The following NIPA2 variants were observed in gnomAD, a reference collection of about 807,000 sequenced individuals.
NIPA2 encodes NIPA magnesium transporter 2, also known as magnesium transporter NIPA2.
A neutral mutation model predicts 29.7 loss-of-function variants in NIPA2; 11 were observed. The observed-to-expected ratio is 0.37, with a 90% CI of 0.23 to 0.61. NIPA2 has a LOEUF of 0.61. Among genes scored for constraint, NIPA2 ranks in the 20% least tolerant of loss-of-function variants. The pLI is 0.66. For synonymous variants in NIPA2, 183 were observed against 161.9 expected, an observed-to-expected ratio of 1.13 and a Z score of -0.99; for missense variants, 426 against 437.9, an observed-to-expected ratio of 0.97 and a Z score of 0.24.
Position 22,866,303 on chromosome 15 carries a change from T to C in NIPA2, c.539T>C (p.Val180Ala), listed in dbSNP as rs1199894188. ...CGCCATGGACAGACAAACATTCTTG[T>C]GTACATAACAATCTGCTCTGTAATC... ...GPRHGQTNIL[V>A]YITICSVIGA... The change falls in exon 8 of 8, where the codon GTG becomes GCG. Residue 180 changes from valine (V) to alanine (A), a missense_variant. Physicochemically the swap from Val to Ala is moderately conservative, Grantham distance 64 (BLOSUM62 0). Around this residue, in one of 3 missense-constraint regions of NIPA2, gnomAD observed 357 missense variants for 339.8 expected, o/e 1.05. Coordinates refer to ENST00000337451, the MANE Select transcript of NIPA2 (RefSeq NM_030922.7). 3.1e-6 allele frequency: 5 copies of C among 1,613,840 alleles called. No homozygotes were observed. Among genetic ancestry groups the C allele is most frequent in the Non-Finnish European group, 3.4e-6 (4 of 1,179,844 alleles).
At chr15:22,851,023 G>A (rs969170610) in intron 3 of NIPA2, among the ~76,000 whole-genome samples, 6 of 152,078 alleles carry the variant, frequency 3.9e-5, no homozygotes, top group African/African-American at 1.4e-4. Flanking sequence ...GTCTGGCCTC[G>A]AGGATTGAGC....
chr15:22,844,544 A>T (rs530346993), intron 2 of NIPA2, among the ~76,000 whole-genome samples: 1 of 137,178 alleles, frequency 7.3e-6, no homozygotes, highest in East Asian at 2.3e-4. Context: ...ACAGTGCAAG[A>T]CTGTGACTCA....
intron 3 of NIPA2, among the ~76,000 whole-genome samples, chr15:22,848,186 G>A (rs184852343): frequency 6.6e-6 from 1 of 152,232 alleles, no homozygotes; most frequent in African/African-American, 2.4e-5. Context: ...TGCCAGGAGG[G>A]CTGAAGCGTT....
At chr15:22,842,278 G>A (rs897404757) in intron 2 of NIPA2, among the ~76,000 whole-genome samples, 1 of 152,154 alleles carries the variant, frequency 6.6e-6, no homozygotes, top group African/African-American at 2.4e-5. Context: ...CAAAGTAACC[G>A]TAACAGAGGG....
At chr15:22,841,318 G>C (rs1897025685) in intron 2 of NIPA2, among the ~76,000 whole-genome samples, 1 of 152,102 alleles carries the variant, frequency 6.6e-6, no homozygotes, top group Non-Finnish European at 1.5e-5. Context: ...GACTAGATTA[G>C]AGCATCCTTA....
At chr15:22,862,461 A>G (rs542953123) in intron 7 of NIPA2, among the ~76,000 whole-genome samples, 3 of 152,040 alleles carry the variant, frequency 2.0e-5, no homozygotes, top group East Asian at 3.9e-4. Flanking sequence ...CCTGACCTAG[A>G]TCATTAATTT....
chr15:22,863,767 C>T (rs1362598730), intron 7 of NIPA2, among the ~76,000 whole-genome samples: 1 of 152,208 alleles, frequency 6.6e-6, no homozygotes, highest in Non-Finnish European at 1.5e-5. Flanking sequence ...TGCCATCTCA[C>T]CCCTTGCATT....
At chr15:22,860,548 T>G in intron 6 of NIPA2, 81 bp from the exon 7 acceptor site, 2 of 962,630 alleles carry the variant, frequency 2.1e-6, no homozygotes, top group Non-Finnish European at 3.1e-6. Context: ...ATTTCAGTGA[T>G]TTAAATTACG....
In NIPA2 at chr15:22,867,564, C is replaced by T. The variant is rs2059193917; in HGVS notation, c.*717C>T. The T allele has an allele frequency of 4.9e-6, 1 of 205,774 alleles. No individual in the cohort carries two copies. Among genetic ancestry groups the T allele is most frequent in the Non-Finnish European group, 9.6e-6 (1 of 104,340 alleles). The allele number at this position is 205,774 out of a possible 1,614,324, so 12.7% of individuals were successfully genotyped here. A position where few individuals can be genotyped will look rare whatever the true frequency, so the allele number is the denominator to read the frequency against. On this transcript the variant is annotated 3_prime_UTR_variant, in exon 8 of 8. Coordinates refer to ENST00000337451, the MANE Select transcript of NIPA2 (RefSeq NM_030922.7). ...TTCAGTTACCCTAATCCCATGATGC[C>T]TGGAACCTTGATTACCGTTTTACAT...
At chr15:22,850,277 C>T (rs973143725) in intron 3 of NIPA2, among the ~76,000 whole-genome samples, 2 of 151,894 alleles carry the variant, frequency 1.3e-5, no homozygotes, top group Non-Finnish European at 2.9e-5. Flanking sequence ...ACATGCACTT[C>T]CTGTGGCTAT....
At chr15:22,859,176 AAAAT>A (rs1187588440) in intron 6 of NIPA2, among the ~76,000 whole-genome samples, 2 of 152,256 alleles carry the variant, frequency 1.3e-5, no homozygotes, top group East Asian at 3.9e-4. Flanking sequence ...TCTGTCTCAA[AAAAT>A]AAATAAATAA....
chr15:22,858,913 C>T (rs1021361970), intron 6 of NIPA2, among the ~76,000 whole-genome samples: 4 of 152,198 alleles, frequency 2.6e-5, no homozygotes, highest in East Asian at 3.9e-4. Context: ...AACAGTGGCT[C>T]ATGCCTGTAA....
rs765124248 is a variant in NIPA2 at position 22,860,711 on chromosome 15, A to G, written c.370A>G (p.Thr124Ala). 1.2e-6 allele frequency: 2 copies of G among 1,602,502 alleles called. No individual in the cohort carries two copies. The highest frequency in any genetic ancestry group is 2.3e-5 in the South Asian group (2 of 88,590). Residue 124 changes from threonine (T) to alanine (A), a missense_variant, in exon 7 of 8, where the codon ACA (threonine) becomes GCA (alanine). This residue lies in a region of NIPA2 where 357 missense variants were observed against 339.8 expected (regional missense o/e 1.05). Coordinates refer to ENST00000337451, the MANE Select transcript of NIPA2 (RefSeq NM_030922.7). ...IGCLLSILGS[T>A]VMVIHAPKEE... is the part of the protein sequence containing the mutation. Reference sequence around the variant, plus strand: ...GTGTTTGCTAAGTATTCTAGGATCTACAGTTATGGTCATTCATGCTCCAAA... The same window carrying G: ...GTGTTTGCTAAGTATTCTAGGATCTGCAGTTATGGTCATTCATGCTCCAAA...
chr15:22,867,941 C>G lies in NIPA2; in HGVS notation c.*1094C>G, dbSNP rs1327591315. ...CTAATGAACTCCATTCAGCTTTGAA[C>G]CTATCCACTCATAACCATTGACTGG... On this transcript the variant is annotated 3_prime_UTR_variant, in exon 8 of 8. Transcript: ENST00000337451. 6.6e-6 allele frequency: 1 copy of G among 152,214 alleles called. No individual in the cohort carries two copies. The highest frequency in any genetic ancestry group is 1.5e-5 in the Non-Finnish European group (1 of 68,038). 9.4% of individuals were successfully genotyped at this position (152,214 alleles called of 1,614,324 possible). A position where few individuals can be genotyped will look rare whatever the true frequency, so the allele number is the denominator to read the frequency against.
intron 7 of NIPA2, among the ~76,000 whole-genome samples, chr15:22,864,890 C>CT (rs899658931): frequency 3.9e-5 from 6 of 152,074 alleles, no homozygotes; most frequent in Non-Finnish European, 8.8e-5. Flanking sequence ...TTGAGACAGT[C>CT]TCACTCTATT....
At chr15:22,865,411 G>A (rs954024325) in intron 7 of NIPA2, among the ~76,000 whole-genome samples, 102 of 151,926 alleles carry the variant, frequency 6.7e-4, no homozygotes, top group Admixed American at 2.3e-3. Context: ...GCGTGAACCC[G>A]GGAGGCGGAG....
intron 2 of NIPA2, among the ~76,000 whole-genome samples, chr15:22,843,649 A>G (rs150587099): frequency 0.013 from 1,848 of 146,608 alleles, 22 homozygotes; most frequent in Middle Eastern, 0.1. Context: ...AATTTTTTCA[A>G]TTTTTTCCTT....
At chr15:22,842,889 G>A (rs1277299312) in intron 2 of NIPA2, among the ~76,000 whole-genome samples, 1 of 150,160 alleles carries the variant, frequency 6.7e-6, no homozygotes, top group Non-Finnish European at 1.5e-5. Context: ...TGTAGTCCCA[G>A]CTACTCGGGA....
At chr15:22,845,036 C>T (rs1369515214) in intron 2 of NIPA2, 110 bp from the exon 3 acceptor site, 1 of 152,118 alleles carries the variant, frequency 6.6e-6, no homozygotes, top group Admixed American at 6.5e-5. Flanking sequence ...CCACATGGAG[C>T]TTGGGAACCT....
Sources: allele counts gnomAD v4.1 joint callset (sites outside exome capture counted in the v4.1 genomes callset), GRCh38; gene constraint gnomAD v4.1.1; regional missense constraint gnomAD v4.1.1; transcripts MANE v1.5; gene names NCBI Gene and HGNC (gene_info 2026-07-23, HGNC 2026-07-21).